TBCK: variants seen among roughly 807,000 people sequenced by gnomAD.
TBCK encodes TBC domain-containing protein kinase-like protein.
In TBCK, 99 loss-of-function variants were observed where a neutral mutation model predicts 113.4. That is an observed-to-expected ratio of 0.87 (90% confidence interval 0.74 to 1.03). The LOEUF (loss-of-function observed/expected upper bound fraction) is 1.03. Among genes scored for constraint, TBCK ranks in the 50% least tolerant of loss-of-function variants. TBCK has a pLI of 0.00. For missense variants in TBCK, 1,045 were observed against 1,061.3 expected, an observed-to-expected ratio of 0.98 and a Z score of 0.21; for synonymous variants, 369 against 370.8, an observed-to-expected ratio of 1.00 and a Z score of 0.05.
intron 23 of TBCK, among the ~76,000 whole-genome samples, chr4:106,151,519 T>C (rs1748483933): frequency 1.3e-5 from 2 of 152,046 alleles, no homozygotes; most frequent in Admixed American, 6.6e-5. Flanking sequence ...CAGTTCCATC[T>C]GTGTTGTCGC....
At chr4:106,210,455 C>G (rs1322041587) in intron 20 of TBCK, among the ~76,000 whole-genome samples, 6 of 152,106 alleles carry the variant, frequency 3.9e-5, no homozygotes, top group Admixed American at 2.0e-4. Flanking sequence ...ATCCAGAAAA[C>G]AGTAATAGGC....
chr4:106,277,031 A>T (rs541484620), intron 3 of TBCK, among the ~76,000 whole-genome samples: 170 of 152,300 alleles, frequency 1.1e-3, no homozygotes, highest in African/African-American at 3.8e-3. Flanking sequence ...ACTTAAAATG[A>T]CAAAAAATTG....
chr4:106,175,358 ATTTTTT>A (rs34198925), intron 22 of TBCK, among the ~76,000 whole-genome samples: 4 of 137,306 alleles, frequency 2.9e-5, no homozygotes, highest in Non-Finnish European at 4.7e-5. Flanking sequence ...ATCAGATTGA[ATTTTTT>A]TTTTTTTTTT....
intron 23 of TBCK, among the ~76,000 whole-genome samples, chr4:106,147,411 G>A (rs1579046780): frequency 6.6e-6 from 1 of 152,298 alleles, no homozygotes; most frequent in East Asian, 1.9e-4. Context: ...CTGGAGAATG[G>A]ATATTATTGT....
intron 19 of TBCK, among the ~76,000 whole-genome samples, chr4:106,214,730 TACGTCTGATTGGTGTACCTGAA>T (rs1170370947): frequency 6.6e-6 from 1 of 151,694 alleles, no homozygotes; most frequent in Non-Finnish European, 1.5e-5. Flanking sequence ...AGACCAAATC[TACGTCTGATTGGTGTACCTGAA>T]AGTGATGGGG....
intron 5 of TBCK, among the ~76,000 whole-genome samples, chr4:106,255,873 C>T (rs945912263): frequency 2.0e-5 from 3 of 152,074 alleles, no homozygotes; most frequent in Non-Finnish European, 4.4e-5. Context: ...CTAAAGAGAC[C>T]CACAGTGGGT....
intron 24 of TBCK, among the ~76,000 whole-genome samples, chr4:106,097,672 T>C (rs1035436725): frequency 1.3e-5 from 2 of 152,156 alleles, no homozygotes; most frequent in Non-Finnish European, 2.9e-5. Flanking sequence ...ATTTCCCATG[T>C]GACACAGACA....
chr4:106,171,835 T>G (rs921885432), intron 22 of TBCK, among the ~76,000 whole-genome samples: 32 of 152,080 alleles, frequency 2.1e-4, no homozygotes, highest in Admixed American at 2.0e-3. Context: ...CTCAATTTTT[T>G]TTTTCCTGTT....
At chr4:106,278,604 T>C (rs1162608936) in intron 3 of TBCK, among the ~76,000 whole-genome samples, 1 of 104,698 alleles carries the variant, frequency 9.6e-6, no homozygotes, top group Non-Finnish European at 2.0e-5. Context: ...AAATGGCAAA[T>C]ACATAATTAA....
At chr4:106,268,280 C>T (rs555761693) in intron 3 of TBCK, among the ~76,000 whole-genome samples, 6 of 151,968 alleles carry the variant, frequency 3.9e-5, no homozygotes, top group Non-Finnish European at 5.9e-5. Flanking sequence ...TCTTGATTTC[C>T]GACAGTACAC....
intron 19 of TBCK, among the ~76,000 whole-genome samples, chr4:106,216,030 T>C (rs1321725715): frequency 6.6e-6 from 1 of 150,406 alleles, no homozygotes; most frequent in Non-Finnish European, 1.5e-5. Flanking sequence ...CAGACCACAG[T>C]GCAATCAAAC....
At chr4:106,146,018 A>G (rs1462972081) in intron 23 of TBCK, among the ~76,000 whole-genome samples, 1 of 152,196 alleles carries the variant, frequency 6.6e-6, no homozygotes, top group African/African-American at 2.4e-5. Flanking sequence ...CAGAGCTCCC[A>G]TTCAACCCAG....
intron 5 of TBCK, among the ~76,000 whole-genome samples, chr4:106,259,939 G>A (rs933582450): frequency 1.3e-5 from 2 of 151,808 alleles, no homozygotes; most frequent in African/African-American, 2.4e-5. Flanking sequence ...AAACCTTTCT[G>A]AACTTAAACA....
chr4:106,278,948 T>C (rs148735018), intron 3 of TBCK, among the ~76,000 whole-genome samples: 19 of 152,246 alleles, frequency 1.2e-4, no homozygotes, highest in African/African-American at 4.3e-4. Flanking sequence ...TCTGAGTCTC[T>C]TGTAGCCTAA....
At chr4:106,071,882 G>T (rs1030731815) in intron 25 of TBCK, among the ~76,000 whole-genome samples, 1 of 152,090 alleles carries the variant, frequency 6.6e-6, no homozygotes, top group Non-Finnish European at 1.5e-5. Flanking sequence ...GATCTTTGTT[G>T]GTTTAAAGTC....
intron 22 of TBCK, among the ~76,000 whole-genome samples, chr4:106,184,382 C>G (rs2149787547): frequency 6.6e-6 from 1 of 152,082 alleles, no homozygotes; most frequent in Admixed American, 6.6e-5. Context: ...TATTAGAGAA[C>G]TAATACACAA....
rs142826429 is a variant in TBCK, at chr4:106,160,684, C to T, written c.2235+10411G>A. Among the ~76,000 whole-genome samples the T allele has an allele frequency of 3.4e-4, 51 of 152,092 alleles. 1 individual carries two copies. The highest frequency in any genetic ancestry group is 1.0e-3 in the African/African-American group (43 of 41,528). ...CTGTTGGTAAAAATGTAAACTGATA[C>T]AGCTGCTGTAGAAAACAGTATGGCA... On this transcript the variant is annotated intron_variant, in intron 23 of 25. Coordinates refer to ENST00000394708, the MANE Select transcript of TBCK (RefSeq NM_001163435.3).
chr4:106,247,480 T>G (rs1760971507), intron 9 of TBCK, 193 bp from the exon 10 acceptor site: 1 of 506,862 alleles, frequency 2.0e-6, no homozygotes, highest in African/African-American at 2.0e-5. Flanking sequence ...ATACTGAATT[T>G]TTTTTACTTA....
intron 1 of TBCK, among the ~76,000 whole-genome samples, chr4:106,314,966 AAAT>A (rs1768622796): frequency 6.6e-6 from 1 of 152,164 alleles, no homozygotes; most frequent in African/African-American, 2.4e-5. Flanking sequence ...ACATAGCTGA[AAAT>A]AAAATAACCA....
Sources: gnomAD v4.1 joint callset for allele counts (sites outside exome capture counted in the v4.1 genomes callset) on GRCh38, gnomAD v4.1.1 for gene constraint, MANE v1.5 for transcripts, NCBI Gene and HGNC (gene_info 2026-07-23, HGNC 2026-07-21) for gene names.